SMIM13: variants seen among roughly 807,000 people sequenced by gnomAD.
The protein encoded by SMIM13 is UPF0766 protein C6orf228.
SMIM13 carries 3 observed loss-of-function variants against 5.9 expected under a neutral mutation model. The ratio of observed to expected loss-of-function variants is 0.51; its 90% CI spans 0.23 to 1.31. The LOEUF (loss-of-function observed/expected upper bound fraction) is 1.31. SMIM13 is among the 40% of genes most tolerant of loss of function. SMIM13 has a pLI of 0.18. For missense variants in SMIM13, 85 were observed against 109.9 expected (o/e 0.77, Z 1.01); for synonymous variants, 55 against 46.0 (o/e 1.19, Z -0.79).
chr6:11,121,150 CAT>C (rs754134633), intron 1 of SMIM13, among the ~76,000 whole-genome samples: 2 of 152,192 alleles, frequency 1.3e-5, no homozygotes, highest in African/African-American at 4.8e-5. Flanking sequence ...TGAAGCAAGA[CAT>C]AAACTTCCTT....
At chr6:11,125,463 G>A (rs1049334881) in intron 1 of SMIM13, among the ~76,000 whole-genome samples, 4 of 152,148 alleles carry the variant, frequency 2.6e-5, no homozygotes, top group Admixed American at 2.6e-4. Context: ...GGGCATGGTA[G>A]TGCACACCTG....
intron 1 of SMIM13, chr6:11,103,673 C>G: frequency 1.3e-6 from 2 of 1,523,880 alleles, no homozygotes; most frequent in Non-Finnish European, 1.8e-6. Context: ...GTTCCACTAG[C>G]GAGCAGTCTA....
chr6:11,099,436 G>A (rs1269750362), intron 1 of SMIM13, among the ~76,000 whole-genome samples: 1 of 152,146 alleles, frequency 6.6e-6, no homozygotes, highest in African/African-American at 2.4e-5. Flanking sequence ...GCCTCCCAAA[G>A]TGCTGGGATT....
At chr6:11,114,476 A>T (rs536049859) in intron 1 of SMIM13, among the ~76,000 whole-genome samples, 1 of 148,582 alleles carries the variant, frequency 6.7e-6, no homozygotes, top group Non-Finnish European at 1.5e-5. Flanking sequence ...TAGGAAGAAA[A>T]CTTCCCCTCT....
intron 1 of SMIM13, among the ~76,000 whole-genome samples, chr6:11,108,606 G>A (rs918307337): frequency 2.6e-5 from 4 of 152,210 alleles, no homozygotes; most frequent in African/African-American, 7.2e-5. Context: ...CCTGCCAGAG[G>A]TGGCTGGCAG....
At chr6:11,121,088 A>T (rs1758301996) in intron 1 of SMIM13, among the ~76,000 whole-genome samples, 1 of 152,238 alleles carries the variant, frequency 6.6e-6, no homozygotes, top group Admixed American at 6.5e-5. Context: ...TGCCTATCTC[A>T]GAATACACAC....
chr6:11,096,697 T>TTTTTCA lies in SMIM13; in HGVS notation c.76+2313_76+2314insATTTTC, dbSNP rs1227945531. ...ATTTCTTTTCTTTGTTTTGCTTTTT[T>TTTTTCA]TTTTCTTTTTTCTTTTTTTGAGTTG... On this transcript the variant is annotated intron_variant, in intron 1 of 1. Transcript: ENST00000416247. 2.6e-5 allele frequency among the ~76,000 whole-genome samples: 4 copies of TTTTTCA among 151,814 alleles called. No individual in the cohort carries two copies. The South Asian group carries it at 8.3e-4, about 32-fold the overall frequency.
rs1757884282 is a variant in SMIM13 at position 11,093,839 on chromosome 6, A to G, written c.-475A>G. Among the ~76,000 whole-genome samples, 1 of 152,192 alleles carries G rather than the reference A, an allele frequency of 6.6e-6. No homozygotes were observed. Among genetic ancestry groups the G allele is most frequent in the South Asian group, 2.1e-4 (1 of 4,832 alleles). On this transcript the variant is annotated 5_prime_UTR_variant, in exon 1 of 2. Coordinates refer to ENST00000416247, the MANE Select transcript of SMIM13 (RefSeq NM_001135575.2). ...AGCGGTAGGGGGCCTGGGGCGGAGA[A>G]GCCGCTACAGCCGCGGCCGGGCGAC...
intron 1 of SMIM13, among the ~76,000 whole-genome samples, chr6:11,120,232 T>G (rs928758042): frequency 6.6e-6 from 1 of 152,220 alleles, no homozygotes; most frequent in African/African-American, 2.4e-5. Context: ...TGAAAATACC[T>G]TGGGTAGTGT....
At position 11,094,281 on chromosome 6, in the gene SMIM13, C is replaced by G. The variant is rs1297163289; in HGVS notation, c.-33C>G. 1.5e-6 allele frequency: 2 copies of G among 1,337,356 alleles called. No individual in the cohort carries two copies. Among genetic ancestry groups the G allele is most frequent in the Non-Finnish European group, 1.9e-6 (2 of 1,028,120 alleles). The allele number at this position is 1,337,356 out of a possible 1,614,324, so 82.8% of individuals were successfully genotyped here. A position where few individuals can be genotyped will look rare whatever the true frequency, so the allele number is the denominator to read the frequency against. ...CCGCGCTCACCGCCGTCCGCGCCAG[C>G]CGCCCCGAGCCGACTGCCCTTCTGC... On this transcript the variant is annotated 5_prime_UTR_variant, in exon 1 of 2. Coordinates refer to ENST00000416247, the MANE Select transcript of SMIM13 (RefSeq NM_001135575.2).
chr6:11,135,055 T>A lies in SMIM13; in HGVS notation c.*453T>A, dbSNP rs927837751. The A allele has an allele frequency of 6.5e-6, 1 of 152,808 alleles. No homozygotes were observed. The highest frequency in any genetic ancestry group is 6.5e-5 in the Admixed American group (1 of 15,296). 9.5% of individuals were successfully genotyped at this position (152,808 alleles called of 1,614,324 possible). On this transcript the variant is annotated 3_prime_UTR_variant, in exon 2 of 2. Coordinates refer to ENST00000416247, the MANE Select transcript of SMIM13 (RefSeq NM_001135575.2). ...TACAGCTTGTCATCGTGTCATCCCT[T>A]TAACCAACATGTGTTTTGTTGGTAT...
chr6:11,121,134 C>A (rs143886410), intron 1 of SMIM13, among the ~76,000 whole-genome samples: 1 of 152,188 alleles, frequency 6.6e-6, no homozygotes, highest in African/African-American at 2.4e-5. Context: ...GCATACAATG[C>A]GATACTGAAG....
Position 11,094,392 on chromosome 6 carries a change from G to A in SMIM13, c.76+3G>A, listed in dbSNP as rs768543902. 18 of 1,535,108 alleles carry A rather than the reference G, an allele frequency of 1.2e-5. No individual in the cohort carries two copies. The highest frequency in any genetic ancestry group is 1.4e-5 in the Non-Finnish European group (16 of 1,142,580). The stretch of plus-strand genomic sequence containing the variant: ...CGTCCTGCTGCTGATGGTGTGCGGT[G>A]AGTGGGGGCGGTAGCCGCGAGGCAG... On this transcript the variant is annotated splice_donor_region_variant and intron_variant, in intron 1 of 1. Coordinates refer to ENST00000416247, the MANE Select transcript of SMIM13 (RefSeq NM_001135575.2).
Position 11,105,333 on chromosome 6 carries a change from A to G in SMIM13, c.76+10944A>G, listed in dbSNP as rs773958330. On this transcript the variant is annotated intron_variant, in intron 1 of 1. Coordinates refer to ENST00000416247, the MANE Select transcript of SMIM13 (RefSeq NM_001135575.2). ...CATGGTGACCTAAGAGAAACTGGTC[A>G]CAAAACGAGCTGCCAATGGAACTCC... 2.5e-6 allele frequency: 4 copies of G among 1,574,922 alleles called. No individual in the cohort carries two copies. In the African/African-American group the frequency reaches 4.1e-5, roughly 16 times the overall value.
At chr6:11,128,737 A>G (rs763424729) in intron 1 of SMIM13, among the ~76,000 whole-genome samples, 74 of 152,026 alleles carry the variant, frequency 4.9e-4, no homozygotes, top group Non-Finnish European at 1.0e-3. Context: ...TATGGTTAGG[A>G]CTGGTCTAGC....
chr6:11,122,979 C>T (rs982466038), intron 1 of SMIM13, among the ~76,000 whole-genome samples: 3 of 152,030 alleles, frequency 2.0e-5, no homozygotes, highest in East Asian at 1.9e-4. Flanking sequence ...GAGGCCAAGG[C>T]GGGAGAATCA....
At chr6:11,121,695 C>T (rs1447005302) in intron 1 of SMIM13, among the ~76,000 whole-genome samples, 1 of 152,192 alleles carries the variant, frequency 6.6e-6, no homozygotes, top group East Asian at 1.9e-4. Flanking sequence ...CTCTTCCACT[C>T]ATTGTATAAA....
In SMIM13 at chr6:11,101,779, G is replaced by A. The variant is rs533578061; in HGVS notation, c.76+7390G>A. Among the ~76,000 whole-genome samples, 128 of 144,172 alleles carry A rather than the reference G, an allele frequency of 8.9e-4. 1 individual carries two copies. The highest frequency in any genetic ancestry group is 3.7e-3 in the Middle Eastern group (1 of 270). 94.6% of individuals were successfully genotyped at this position (144,172 alleles called of 152,430 possible). ...TTTTTGAGACAGAGTCTCATCTGTCGCCCAGACTGGAGTGGAGTGGCACAA... is the reference window on the plus strand; with the variant it reads ...TTTTTGAGACAGAGTCTCATCTGTCACCCAGACTGGAGTGGAGTGGCACAA... On this transcript the variant is annotated intron_variant, in intron 1 of 1. Transcript: ENST00000416247.
chr6:11,099,827 C>T (rs575954700), intron 1 of SMIM13, among the ~76,000 whole-genome samples: 14 of 152,186 alleles, frequency 9.2e-5, no homozygotes, highest in Non-Finnish European at 1.3e-4. Context: ...CATTATTAAC[C>T]GTGGTAGATG....
Sources: gnomAD v4.1 joint callset for allele counts (sites outside exome capture counted in the v4.1 genomes callset) on GRCh38, gnomAD v4.1.1 for gene constraint, MANE v1.5 for transcripts, NCBI Gene and HGNC (gene_info 2026-07-23, HGNC 2026-07-21) for gene names.